The following ZNF683 variants were observed in gnomAD, a reference collection of about 807,000 sequenced individuals.
ZNF683 encodes zinc finger protein 683.
Under a neutral mutation model 31.4 loss-of-function variants are expected in ZNF683, and 20 were observed. That is an observed-to-expected ratio of 0.64 (90% CI 0.45 to 0.93). The LOEUF is 0.93. Among genes scored for constraint, ZNF683 ranks in the 40% least tolerant of loss-of-function variants. ZNF683 has a pLI of 0.00. For missense variants in ZNF683, 621 were observed against 637.2 expected (o/e 0.97, Z 0.27); for synonymous variants, 264 against 267.6 (o/e 0.99, Z 0.13).
rs368109683 is a variant in ZNF683 at position 26,361,948 on chromosome 1, G to A, written c.1218C>T (p.Phe406=). ...AGCGACTCCGGCAGACACTGCACTG[G>A]AAGGGCCGGGCCCCGGAGTGCAGGC... ...HLRLHSGARP[F]QCSVCRSRFT... is the part of the protein sequence containing the mutation. The change falls in exon 6 of 6, where the codon TTC becomes TTT. Residue 406 remains phenylalanine (F), a synonymous_variant. Transcript: ENST00000349618. 2 of 1,614,020 alleles carry A rather than the reference G, an allele frequency of 1.2e-6. No homozygotes were observed. The highest frequency in any genetic ancestry group is 1.7e-6 in the Non-Finnish European group (2 of 1,179,902).
At chr1:26,362,247 C>T (rs2074405533) in intron 5 of ZNF683, 1 of 1,468,016 alleles carries the variant, frequency 6.8e-7, no homozygotes, top group Non-Finnish European at 9.3e-7. Context: ...AAAGTAACTT[C>T]TCCTCTCTGA....
chr1:26,364,198 G>T (rs1237184580), intron 4 of ZNF683, among the ~76,000 whole-genome samples: 1 of 152,206 alleles, frequency 6.6e-6, no homozygotes, highest in Non-Finnish European at 1.5e-5. Flanking sequence ...CCAGGTAAGG[G>T]CTTTCTTTGC....
chr1:26,363,635 G>T (rs1213681696), intron 4 of ZNF683, among the ~76,000 whole-genome samples: 1 of 151,700 alleles, frequency 6.6e-6, no homozygotes, highest in African/African-American at 2.4e-5. Flanking sequence ...AGGAGTGGTG[G>T]TGTTTACCCT....
upstream of ZNF683, chr1:26,372,882 A>C (rs1028404858): frequency 2.6e-6 from 3 of 1,153,594 alleles, no homozygotes; most frequent in Admixed American, 1.2e-4. Flanking sequence ...AGGGCTTGGC[A>C]GGCAGAGGCT....
At chr1:26,365,262 G>A in intron 3 of ZNF683, 36 bp from the exon 4 acceptor site, 1 of 1,539,314 alleles carries the variant, frequency 6.5e-7, no homozygotes, top group Non-Finnish European at 8.7e-7. Context: ...GATCCCCACA[G>A]TCTGGGGTGA....
At position 26,364,988 on chromosome 1, in the gene ZNF683, T is replaced by A; in HGVS notation, c.558A>T (p.Pro186=). 1 of 1,577,232 alleles carries A rather than the reference T, an allele frequency of 6.3e-7. No homozygotes were observed. The highest frequency in any genetic ancestry group is 8.6e-7 in the Non-Finnish European group (1 of 1,164,370). ...CAGGGTAGAAGGCGTGGAGGAGAAA[T>A]GGGAGCTCCTTGGAGATGGAGTTGA... is the stretch of plus-strand genomic sequence containing the variant. ...PPVNSISKEL[P]FLLHAFYPGY... is the part of the protein sequence containing the mutation. The change falls in exon 4 of 6, where the codon CCA becomes CCT. Residue 186 remains proline, a synonymous_variant. Transcript: ENST00000349618.
chr1:26,372,048 G>A (rs377137397), intron 1 of ZNF683, among the ~76,000 whole-genome samples: 1 of 152,186 alleles, frequency 6.6e-6, no homozygotes, highest in South Asian at 2.1e-4. Context: ...CATGAGAAGA[G>A]GCATCACCCC....
At position 26,369,442 on chromosome 1, in the gene ZNF683, C is replaced by T. The variant is rs190495840; in HGVS notation, c.-14-857G>A. On this transcript the variant is annotated intron_variant, in intron 1 of 5. Transcript: ENST00000349618. ...CAGCACTTTGGGAGGCTGAAGCGGG[C>T]GGATCACCTGAGGTTGGGAGTTCAA... 7.8e-3 allele frequency among the ~76,000 whole-genome samples: 1,189 copies of T among 151,662 alleles called. 13 individuals carry two copies. The highest frequency in any genetic ancestry group is 0.027 in the African/African-American group (1,132 of 41,346).
At chr1:26,372,465 AGCACTTCAT>A (rs1208363518) in intron 1 of ZNF683, 195 bp downstream of exon 1, 1 of 1,302,400 alleles carries the variant, frequency 7.7e-7, no homozygotes, top group Non-Finnish European at 1.0e-6. Context: ...CTCCCTCACC[AGCACTTCAT>A]GCAGGCATAC....
At position 26,367,570 on chromosome 1, in the gene ZNF683, G is replaced by A; in HGVS notation, c.319+23C>T. 3.2e-6 allele frequency: 5 copies of A among 1,545,154 alleles called. No individual in the cohort carries two copies. The South Asian group carries it at 3.7e-5, about 12-fold the overall frequency. On this transcript the variant is annotated intron_variant, in intron 3 of 5. Transcript: ENST00000349618. Reference sequence around the variant, plus strand: ...CCTCCAGCCTCTGCCAGGCGCAGGTGCAGCCCGGTGCCCTGGGCTTACTCA... The same window carrying A: ...CCTCCAGCCTCTGCCAGGCGCAGGTACAGCCCGGTGCCCTGGGCTTACTCA...
intron 3 of ZNF683, among the ~76,000 whole-genome samples, chr1:26,366,276 T>C (rs949985389): frequency 6.6e-6 from 1 of 150,788 alleles, no homozygotes; most frequent in Non-Finnish European, 1.5e-5. Context: ...GGAGAGAGGA[T>C]TGCTTGAGCC....
At position 26,364,821 on chromosome 1, in the gene ZNF683, T is replaced by A. The variant is rs1299348103; in HGVS notation, c.725A>T (p.Glu242Val). ...CCACCGAGCGCTGGGGTGCCCCAGC[T>A]CATTGACCATCATCAGCAGGCTAGG... is the stretch of plus-strand genomic sequence containing the variant. Reference protein sequence around the residue: ...AMPSLLMMVNELGHPSARWET... With the variant: ...AMPSLLMMVNVLGHPSARWET... Residue 242 changes from glutamate to valine, a missense_variant, in exon 4 of 6, where the codon GAG (glutamate) becomes GTG (valine). Coordinates refer to ENST00000349618, the MANE Select transcript of ZNF683 (RefSeq NM_001114759.3). The A allele has an allele frequency of 6.4e-7, 1 of 1,574,762 alleles. No homozygotes were observed.
chr1:26,372,939 G>A, upstream of ZNF683: 4 of 621,142 alleles, frequency 6.4e-6, no homozygotes, highest in Non-Finnish European at 8.0e-6. Context: ...CACCTCCTGG[G>A]ACATTTCCTT....
chr1:26,365,134 G>T lies in ZNF683; in HGVS notation c.412C>A (p.Pro138Thr). The change falls in exon 4 of 6, where the codon CCA (proline) becomes ACA (threonine). Residue 138 changes from proline (P) to threonine (T), a missense_variant. Transcript: ENST00000349618. ...GGGGCCCCCTCGCCAGCTCTTTCTGGCTGTTTTCCCAGCTTGTCCTTGTTC... is the reference window on the plus strand; with the variant it reads ...GGGGCCCCCTCGCCAGCTCTTTCTGTCTGTTTTCCCAGCTTGTCCTTGTTC... ...PQNKDKLGKQ[P>T]ERAGEGAPCP... is the part of the protein sequence containing the mutation. 1 of 1,608,998 alleles carries T rather than the reference G, an allele frequency of 6.2e-7. No individual in the cohort carries two copies. Among genetic ancestry groups the T allele is most frequent in the Non-Finnish European group, 8.5e-7 (1 of 1,177,746 alleles).
chr1:26,372,232 G>A (rs1255633727), intron 1 of ZNF683, among the ~76,000 whole-genome samples: 2 of 152,158 alleles, frequency 1.3e-5, no homozygotes, highest in East Asian at 1.9e-4. Flanking sequence ...TGCCAGCTCA[G>A]CCCCTAGGGC....
upstream of ZNF683, chr1:26,374,468 A>C: frequency 9.0e-7 from 1 of 1,113,102 alleles, no homozygotes; most frequent in African/African-American, 1.6e-5. Context: ...CTGAGGACAG[A>C]CTCCCTCAGG....
At position 26,365,259 on chromosome 1, in the gene ZNF683, A is replaced by C. The variant is rs1213123507; in HGVS notation, c.320-33T>G. On this transcript the variant is annotated intron_variant, in intron 3 of 5. Coordinates refer to ENST00000349618, the MANE Select transcript of ZNF683 (RefSeq NM_001114759.3). ...GGAAAAGGAAGGCGGTCAGATCCCC[A>C]CAGTCTGGGGTGAAGTTCTGTCCGC... The C allele has an allele frequency of 4.5e-6, 7 of 1,546,826 alleles. No homozygotes were observed. In the Admixed American group the frequency reaches 7.9e-5, roughly 17 times the overall value.
Position 26,365,191 on chromosome 1 carries a change from C to A in ZNF683, c.355G>T (p.Asp119Tyr). Residue 119 changes from aspartate (D) to tyrosine (Y), a missense_variant, in exon 4 of 6, where the codon GAT becomes TAT. By Grantham distance (160) the Asp-to-Tyr change is radical (BLOSUM62 -3). Transcript: ENST00000349618. ...EPPGLQASST[D>Y]DKKFTVKYPQ... Reference sequence around the variant, plus strand: ...TACTTGACTGTGAATTTCTTGTCATCGGTGGAGCTGGCCTGCAGCCCTGGT... The same window carrying A: ...TACTTGACTGTGAATTTCTTGTCATAGGTGGAGCTGGCCTGCAGCCCTGGT... The A allele has an allele frequency of 6.2e-7, 1 of 1,608,132 alleles. No individual in the cohort carries two copies. Among genetic ancestry groups the A allele is most frequent in the East Asian group, 2.2e-5 (1 of 44,760 alleles).
chr1:26,368,287 G>A (rs1426521988), intron 2 of ZNF683, among the ~76,000 whole-genome samples, 171 bp downstream of exon 2: 3 of 152,232 alleles, frequency 2.0e-5, no homozygotes, highest in African/African-American at 4.8e-5. Context: ...GAGGCATGGG[G>A]AGAGGGTGTC....
Sources: gnomAD v4.1 joint callset for allele counts (sites outside exome capture counted in the v4.1 genomes callset) on GRCh38, gnomAD v4.1.1 for gene constraint, MANE v1.5 for transcripts, NCBI Gene and HGNC (gene_info 2026-07-23, HGNC 2026-07-21) for gene names.